Variants in LRRC71 observed in about 807,000 individuals in gnomAD.
The protein encoded by LRRC71 is leucine-rich repeat-containing protein 71.
A neutral mutation model predicts 66.6 loss-of-function variants in LRRC71; 54 were observed. The ratio of observed to expected loss-of-function variants is 0.81; its 90% CI spans 0.65 to 1.02. The LOEUF (loss-of-function observed/expected upper bound fraction) is 1.02. Among genes scored for constraint, LRRC71 ranks in the 50% least tolerant of loss-of-function variants. The pLI is 0.00. For missense variants in LRRC71, 724 were observed against 718.0 expected, an observed-to-expected ratio of 1.01 and a Z score of -0.10; for synonymous variants, 323 against 303.9, an observed-to-expected ratio of 1.06 and a Z score of -0.65.
downstream of LRRC71, chr1:156,937,290 G>A (rs1437871293): frequency 2.5e-5 from 40 of 1,613,788 alleles, no homozygotes; most frequent in Non-Finnish European, 3.2e-5. Context: ...TCAATGGTAT[G>A]GAAGATCATG....
chr1:156,939,819 T>C, the LRRC71 span: 1 of 1,613,458 alleles, frequency 6.2e-7, no homozygotes, highest in East Asian at 2.2e-5. Context: ...AAGGTGTGGG[T>C]GTCAGGTCGT....
chr1:156,937,721 G>T (rs972287614), downstream of LRRC71, among the ~76,000 whole-genome samples: 1 of 152,230 alleles, frequency 6.6e-6, no homozygotes, highest in East Asian at 1.9e-4. Context: ...AGCTGGGGGA[G>T]ATGCTGAGCG....
Position 156,924,564 on chromosome 1 carries a change from T to TC in LRRC71, c.439+18dup, listed in dbSNP as rs1267742571. ...AATCTACATCCGCGGTGAGCCCCGC[T>TC]CCCCCCACCCGCCCCAGCTCCCTCC... On this transcript the variant is annotated intron_variant, in intron 3 of 14. Transcript: ENST00000337428. 9 of 1,531,690 alleles carry TC rather than the reference T, an allele frequency of 5.9e-6. No individual in the cohort carries two copies. The highest frequency in any genetic ancestry group is 8.0e-6 in the Non-Finnish European group (9 of 1,131,816). The allele number at this position is 1,531,690 out of a possible 1,614,324, so 94.9% of individuals were successfully genotyped here. A position where few individuals can be genotyped will look rare whatever the true frequency, so the allele number is the denominator to read the frequency against.
intron 1 of LRRC71, 91 bp from the exon 2 acceptor site, chr1:156,923,858 T>A: frequency 7.6e-7 from 1 of 1,308,750 alleles, no homozygotes; most frequent in Non-Finnish European, 1.0e-6. Context: ...AAAATATCCG[T>A]CTGAGGAGGG....
intron 14 of LRRC71, 123 bp from the exon 15 acceptor site, chr1:156,932,730 C>T (rs1654570299): frequency 1.3e-6 from 2 of 1,508,180 alleles, no homozygotes; most frequent in South Asian, 2.4e-5. Context: ...GTATTAATCA[C>T]TCTGCTTTTT....
At chr1:156,932,705 G>C (rs1571082234) in intron 14 of LRRC71, 148 bp from the exon 15 acceptor site, 1 of 1,562,278 alleles carries the variant, frequency 6.4e-7, no homozygotes, top group South Asian at 1.1e-5. Flanking sequence ...CATTCCTCTT[G>C]CTGGAAAATC....
At chr1:156,938,672 G>C in the LRRC71 span, 3 of 595,994 alleles carry the variant, frequency 5.0e-6, no homozygotes. Context: ...TGACATCCCA[G>C]GCAGTGCAGA....
chr1:156,940,040 C>G, the LRRC71 span: 2 of 1,468,386 alleles, frequency 1.4e-6, no homozygotes, highest in Non-Finnish European at 1.8e-6. Flanking sequence ...CTCTGGCCAA[C>G]TAGCTGGTGG....
chr1:156,934,366 C>T (rs1029613821), downstream of LRRC71, among the ~76,000 whole-genome samples: 1 of 152,092 alleles, frequency 6.6e-6, no homozygotes, highest in Non-Finnish European at 1.5e-5. Context: ...GATGTGGCTG[C>T]GTCTGTGGGA....
At chr1:156,929,855 G>C (rs1332776442) in intron 11 of LRRC71, 126 bp downstream of exon 11, 2 of 746,428 alleles carry the variant, frequency 2.7e-6, no homozygotes, top group African/African-American at 3.6e-5. Context: ...TGCCCCTCTG[G>C]GCTTGATTTC....
chr1:156,928,369 T>TTCTTCTTCTTCTTCTTCTTCTTCTTC (rs1653615482), intron 9 of LRRC71, among the ~76,000 whole-genome samples: 1 of 94,372 alleles, frequency 1.1e-5, no homozygotes, highest in Admixed American at 9.7e-5. Context: ...CTTCCTCTTC[T>TTCTTCTTCTTCTTCTTCTTCTTCTTC]TCTTCTTCTT....
chr1:156,933,029 G>A lies in LRRC71; in HGVS notation c.*60G>A. 7.8e-7 allele frequency: 1 copy of A among 1,277,130 alleles called. No individual in the cohort carries two copies. Among genetic ancestry groups the A allele is most frequent in the Non-Finnish European group, 1.1e-6 (1 of 906,170 alleles). 79.1% of individuals were successfully genotyped at this position (1,277,130 alleles called of 1,614,324 possible). On this transcript the variant is annotated 3_prime_UTR_variant, in exon 15 of 15. Transcript: ENST00000337428. ...CTACAGAAGCACCTCCTGTCCCTGTGTGGGGTGACCTCCCTGGGGGAGATC... is the reference window on the plus strand; with the variant it reads ...CTACAGAAGCACCTCCTGTCCCTGTATGGGGTGACCTCCCTGGGGGAGATC...
Position 156,933,015 on chromosome 1 carries a change from C to G in LRRC71, c.*46C>G. ...TCTAAGACTCGGGGCTACAGAAGCACCTCCTGTCCCTGTGTGGGGTGACCT... is the reference window on the plus strand; with the variant it reads ...TCTAAGACTCGGGGCTACAGAAGCAGCTCCTGTCCCTGTGTGGGGTGACCT... On this transcript the variant is annotated 3_prime_UTR_variant, in exon 15 of 15. Coordinates refer to ENST00000337428, the MANE Select transcript of LRRC71 (RefSeq NM_144702.3). The G allele has an allele frequency of 7.1e-7, 1 of 1,411,158 alleles. No homozygotes were observed. The highest frequency in any genetic ancestry group is 9.8e-7 in the Non-Finnish European group (1 of 1,023,730). 87.4% of individuals were successfully genotyped at this position (1,411,158 alleles called of 1,614,324 possible).
intron 5 of LRRC71, among the ~76,000 whole-genome samples, chr1:156,925,784 T>A (rs1653111705): frequency 6.6e-6 from 1 of 152,196 alleles, no homozygotes; most frequent in Non-Finnish European, 1.5e-5. Context: ...CCTGTCTTCC[T>A]CCTGTAGATG....
At chr1:156,930,095 C>CTTTCTTTCTT in intron 11 of LRRC71, among the ~76,000 whole-genome samples, 1 of 27,142 alleles carries the variant, frequency 3.7e-5, no homozygotes, top group Admixed American at 4.5e-4. Flanking sequence ...CTTTCTTTCT[C>CTTTCTTTCTT]TCTCTTTTTT....
At chr1:156,922,791 C>G (rs144251941) in intron 1 of LRRC71, among the ~76,000 whole-genome samples, 71 of 152,098 alleles carry the variant, frequency 4.7e-4, no homozygotes, top group African/African-American at 1.6e-3. Flanking sequence ...AGGATAGGGC[C>G]CAGGAAATTG....
Position 156,920,775 on chromosome 1 carries a change from G to T in LRRC71, c.-29G>T, listed in dbSNP as rs1424290913. The T allele has an allele frequency of 2.0e-6, 3 of 1,484,878 alleles. No homozygotes were observed. Among genetic ancestry groups the T allele is most frequent in the Non-Finnish European group, 2.7e-6 (3 of 1,113,640 alleles). The allele number at this position is 1,484,878 out of a possible 1,614,324, so 92.0% of individuals were successfully genotyped here. ...TTCTTACCTTCCTGCCCCGACGAAG[G>T]TCCCAGAGACGCTGCGGACAACACC... On this transcript the variant is annotated 5_prime_UTR_variant, in exon 1 of 15. Coordinates refer to ENST00000337428, the MANE Select transcript of LRRC71 (RefSeq NM_144702.3). The surrounding 1 kb of genome is among the most constrained non-coding windows in gnomAD (Gnocchi z 4.9).
In LRRC71 at chr1:156,927,903, C is replaced by A; in HGVS notation, c.907-12C>A. 6.2e-6 allele frequency: 10 copies of A among 1,610,846 alleles called. No homozygotes were observed. The highest frequency in any genetic ancestry group is 7.6e-6 in the Non-Finnish European group (9 of 1,178,762). On this transcript the variant is annotated splice_polypyrimidine_tract_variant and intron_variant, in intron 8 of 14. Transcript: ENST00000337428. ...CCCAGGCGTCCGACCGCTGAGCGCC[C>A]GCCTCCTTCAGGTCCTGCGCGCCTT...
At chr1:156,940,372 G>T in the LRRC71 span, 1 of 1,613,446 alleles carries the variant, frequency 6.2e-7, no homozygotes, top group South Asian at 1.1e-5. Context: ...TCCTGCTCAG[G>T]GTCCTCTAGC....
Sources: allele counts gnomAD v4.1 joint callset (sites outside exome capture counted in the v4.1 genomes callset), GRCh38; gene constraint gnomAD v4.1.1; non-coding constraint Gnocchi (gnomAD v3.1); transcripts MANE v1.5; gene names NCBI Gene and HGNC (gene_info 2026-07-23, HGNC 2026-07-21).